GALNT13: variants seen among roughly 807,000 people sequenced by gnomAD.
The protein encoded by GALNT13 is polypeptide N-acetylgalactosaminyltransferase 13.
Under a neutral mutation model 64.2 loss-of-function variants are expected in GALNT13, and 28 were observed. The ratio of observed to expected loss-of-function variants is 0.44; its 90% CI spans 0.32 to 0.60. GALNT13 has a LOEUF of 0.60. GALNT13 is among the 20% of genes least tolerant of loss of function. The pLI is 0.05. For synonymous variants in GALNT13, 214 were observed against 224.6 expected, an observed-to-expected ratio of 0.95 and a Z score of 0.42; for missense variants, 577 against 669.8, an observed-to-expected ratio of 0.86 and a Z score of 1.53.
At chr2:153,774,473 A>G in the GALNT13 span, among the ~76,000 whole-genome samples, 4 of 152,358 alleles carry the variant, frequency 2.6e-5, no homozygotes, top group Admixed American at 2.6e-4. Context: ...GCAGACTTCA[A>G]GTAAATGCAG....
chr2:153,318,598 T>C, the GALNT13 span, among the ~76,000 whole-genome samples: 3,390 of 152,292 alleles, frequency 0.022, 124 homozygotes, highest in African/African-American at 0.077. Flanking sequence ...AAATTAGATA[T>C]TGGATGACAT....
chr2:153,816,208 AGT>A, the GALNT13 span, among the ~76,000 whole-genome samples: 111 of 152,348 alleles, frequency 7.3e-4, no homozygotes, highest in African/African-American at 2.5e-3. Flanking sequence ...CTTTAAAGGT[AGT>A]CAGGGACAAG....
chr2:153,182,869 G>A, the GALNT13 span, among the ~76,000 whole-genome samples: 3 of 152,150 alleles, frequency 2.0e-5, no homozygotes, highest in Non-Finnish European at 4.4e-5. Context: ...TCACTGATGA[G>A]CATTTACATT....
chr2:153,494,536 A>T, the GALNT13 span, among the ~76,000 whole-genome samples: 1 of 152,084 alleles, frequency 6.6e-6, no homozygotes, highest in African/African-American at 2.4e-5. Context: ...AGATGTTGCT[A>T]GGATAACTAG....
the GALNT13 span, among the ~76,000 whole-genome samples, chr2:153,161,783 T>C: frequency 6.6e-6 from 1 of 152,148 alleles, no homozygotes; most frequent in Non-Finnish European, 1.5e-5. Flanking sequence ...ATAAGACCTG[T>C]CAGTTTCCAC....
At chr2:153,676,234 G>A in the GALNT13 span, among the ~76,000 whole-genome samples, 4 of 151,912 alleles carry the variant, frequency 2.6e-5, no homozygotes, top group Admixed American at 6.6e-5. Context: ...TATTATGAAC[G>A]TCTCTATGCA....
chr2:153,071,173 T>C, the GALNT13 span, among the ~76,000 whole-genome samples: 1 of 152,176 alleles, frequency 6.6e-6, no homozygotes, highest in Non-Finnish European at 1.5e-5. Context: ...GCAGTAACTA[T>C]AGTTGTGCAA....
chr2:154,050,754 G>C (rs1699559748), intron 3 of GALNT13, among the ~76,000 whole-genome samples: 1 of 152,174 alleles, frequency 6.6e-6, no homozygotes, highest in Non-Finnish European at 1.5e-5. Flanking sequence ...TAGTGAAATA[G>C]TTTAATGCTG....
the GALNT13 span, among the ~76,000 whole-genome samples, chr2:153,494,583 C>T: frequency 1.3e-5 from 2 of 151,814 alleles, no homozygotes; most frequent in Non-Finnish European, 2.9e-5. Flanking sequence ...TTACCCTTAC[C>T]TCATACTGTG....
At chr2:153,984,297 T>G (rs770188766) in intron 3 of GALNT13, among the ~76,000 whole-genome samples, 79 of 151,724 alleles carry the variant, frequency 5.2e-4, no homozygotes, top group Non-Finnish European at 9.6e-4. Flanking sequence ...GTTAACATCT[T>G]CAACACAGTC....
At chr2:153,397,031 T>G in the GALNT13 span, among the ~76,000 whole-genome samples, 1 of 152,158 alleles carries the variant, frequency 6.6e-6, no homozygotes, top group Non-Finnish European at 1.5e-5. Flanking sequence ...ATTGGGAGTT[T>G]GTTTTGCCAC....
At chr2:153,562,060 C>CTCTGTG in the GALNT13 span, among the ~76,000 whole-genome samples, 736 of 118,926 alleles carry the variant, frequency 6.2e-3, 15 homozygotes, top group African/African-American at 0.024. Context: ...CTCTCTCTCT[C>CTCTGTG]TGTGTGTGTG....
chr2:154,241,041 T>TAGCC (rs1312975938), intron 4 of GALNT13, among the ~76,000 whole-genome samples: 1 of 152,136 alleles, frequency 6.6e-6, no homozygotes, highest in Non-Finnish European at 1.5e-5. Flanking sequence ...TCTCCATGTC[T>TAGCC]AGCCGTCCGT....
the GALNT13 span, among the ~76,000 whole-genome samples, chr2:153,489,334 T>G: frequency 9.1e-3 from 1,386 of 152,250 alleles, 21 homozygotes; most frequent in African/African-American, 0.032. Context: ...AAAAAATAAA[T>G]TTTTGTTCTT....
At position 154,431,835 on chromosome 2, in the gene GALNT13, C is replaced by T. The variant is rs530231206; in HGVS notation, c.1396-6757C>T. On this transcript the variant is annotated intron_variant, in intron 11 of 12. Coordinates refer to ENST00000392825, the MANE Select transcript of GALNT13 (RefSeq NM_052917.4). ...TTATAAAGGGCAGTTTCCCTGCACA[C>T]GCTCTCTTGCCTGCCACCATGTGGG... is the stretch of plus-strand genomic sequence containing the variant. Among the ~76,000 whole-genome samples, 9 of 152,186 alleles carry T rather than the reference C, an allele frequency of 5.9e-5. No individual in the cohort carries two copies. In the South Asian group the frequency reaches 8.3e-4, roughly 14 times the overall value.
rs564778891 is a variant in GALNT13 at position 154,345,953 on chromosome 2, C to G, written c.1156+44364C>G. Among the ~76,000 whole-genome samples, 24 of 152,142 alleles carry G rather than the reference C, an allele frequency of 1.6e-4. 1 individual carries two copies. Among genetic ancestry groups the G allele is most frequent in the African/African-American group, 5.5e-4 (23 of 41,548 alleles). On this transcript the variant is annotated intron_variant, in intron 9 of 12. Transcript: ENST00000392825. Reference sequence around the variant, plus strand: ...ACTGCATCCAAATTATACTAAATCTCTATTCAAAATTTCCATTTTAGCCTA... The same window carrying G: ...ACTGCATCCAAATTATACTAAATCTGTATTCAAAATTTCCATTTTAGCCTA...
At chr2:153,431,194 A>G in the GALNT13 span, among the ~76,000 whole-genome samples, 1 of 151,036 alleles carries the variant, frequency 6.6e-6, no homozygotes, top group Non-Finnish European at 1.5e-5. Context: ...GGTATACTGT[A>G]TTTTACTAGG....
intron 4 of GALNT13, among the ~76,000 whole-genome samples, chr2:154,152,398 A>C (rs565959796): frequency 1.3e-5 from 2 of 152,132 alleles, no homozygotes; most frequent in East Asian, 1.9e-4. Context: ...TGAATCTGAC[A>C]ATTATGTGTC....
chr2:153,779,289 G>A, the GALNT13 span, among the ~76,000 whole-genome samples: 15 of 152,214 alleles, frequency 9.9e-5, no homozygotes, highest in African/African-American at 3.4e-4. Flanking sequence ...ATGCTAGTAA[G>A]TAATTAAAGT....
Sources: gnomAD v4.1 joint callset for allele counts (sites outside exome capture counted in the v4.1 genomes callset) on GRCh38, gnomAD v4.1.1 for gene constraint, MANE v1.5 for transcripts, NCBI Gene and HGNC (gene_info 2026-07-23, HGNC 2026-07-21) for gene names.